XXYLT1: variants seen among roughly 807,000 people sequenced by gnomAD.
XXYLT1 encodes UDP-xylose:alpha-xyloside alpha-1,3-xylosyltransferase.
In XXYLT1, 20 loss-of-function variants were observed where a neutral mutation model predicts 28.9. The ratio of observed to expected loss-of-function variants is 0.69; its 90% CI spans 0.49 to 1.00. XXYLT1 has a LOEUF of 1.00. XXYLT1 is among the 50% of genes least tolerant of loss of function. The pLI is 0.00. For synonymous variants in XXYLT1, 257 were observed against 253.8 expected, an observed-to-expected ratio of 1.01 and a Z score of -0.12; for missense variants, 542 against 560.1, an observed-to-expected ratio of 0.97 and a Z score of 0.33.
chr3:195,090,593 A>G (rs1387018566), intron 3 of XXYLT1, among the ~76,000 whole-genome samples: 1 of 150,948 alleles, frequency 6.6e-6, no homozygotes, highest in Non-Finnish European at 1.5e-5. Flanking sequence ...CAAAATTGAC[A>G]CCCTAACATC....
At chr3:195,225,787 C>T (rs933044060) in intron 2 of XXYLT1, among the ~76,000 whole-genome samples, 52 of 152,228 alleles carry the variant, frequency 3.4e-4, no homozygotes, top group African/African-American at 1.2e-3. Context: ...ATGCTGTTCT[C>T]ATGCTAGTGA....
chr3:195,160,041 C>A lies in XXYLT1; in HGVS notation c.653-3460G>T, dbSNP rs180964224. Among the ~76,000 whole-genome samples, 785 of 152,040 alleles carry A rather than the reference C, an allele frequency of 5.2e-3. 4 individuals are homozygous for A. The highest frequency in any genetic ancestry group is 0.017 in the African/African-American group (715 of 41,460). On this transcript the variant is annotated intron_variant, in intron 2 of 3. Coordinates refer to ENST00000310380, the MANE Select transcript of XXYLT1 (RefSeq NM_152531.5). Reference sequence around the variant, plus strand: ...CATCTGACCATGGGTGGAATTACAACCCAGAGTGAGTAATTAATGATACCC... The same window carrying A: ...CATCTGACCATGGGTGGAATTACAAACCAGAGTGAGTAATTAATGATACCC...
At chr3:195,125,596 T>TG (rs1332654662) in intron 3 of XXYLT1, among the ~76,000 whole-genome samples, 3 of 152,136 alleles carry the variant, frequency 2.0e-5, no homozygotes, top group East Asian at 1.9e-4. Context: ...ACTCTTTCGG[T>TG]GGGGGGTCAT....
At chr3:195,166,876 A>C (rs1413304752) in intron 2 of XXYLT1, among the ~76,000 whole-genome samples, 1 of 152,106 alleles carries the variant, frequency 6.6e-6, no homozygotes, top group Non-Finnish European at 1.5e-5. Context: ...ATAGGGTTTC[A>C]CCATGTTGGC....
intron 1 of XXYLT1, among the ~76,000 whole-genome samples, chr3:195,233,988 G>T (rs939720930): frequency 6.6e-6 from 1 of 151,584 alleles, no homozygotes; most frequent in Non-Finnish European, 1.5e-5. Flanking sequence ...GCGATCTCGG[G>T]TCACTGCAAG....
chr3:195,242,114 A>G (rs1374633175), intron 1 of XXYLT1, among the ~76,000 whole-genome samples: 1 of 152,164 alleles, frequency 6.6e-6, no homozygotes, highest in Non-Finnish European at 1.5e-5. Context: ...CGAGCAAATA[A>G]AGGGGCAGAG....
intron 1 of XXYLT1, among the ~76,000 whole-genome samples, chr3:195,261,490 G>A (rs149477389): frequency 1.4e-3 from 220 of 152,080 alleles, no homozygotes; most frequent in African/African-American, 5.1e-3. Context: ...AAAGGGGAGG[G>A]GAGGGGAACA....
chr3:195,107,557 AGGGGGAG>A (rs1418277218), intron 3 of XXYLT1, among the ~76,000 whole-genome samples: 2 of 4,410 alleles, frequency 4.5e-4, no homozygotes, highest in African/African-American at 1.7e-3. Flanking sequence ...GAGGGGGAAG[AGGGGGAG>A]AGGAGGAGGG....
chr3:195,269,463 G>C (rs1454307229), intron 1 of XXYLT1, among the ~76,000 whole-genome samples: 2 of 152,180 alleles, frequency 1.3e-5, no homozygotes, highest in Non-Finnish European at 2.9e-5. Flanking sequence ...CATGTATAAG[G>C]CCCACTCCCT....
intron 1 of XXYLT1, among the ~76,000 whole-genome samples, chr3:195,245,264 G>A (rs540768626): frequency 2.6e-4 from 39 of 147,174 alleles, no homozygotes; most frequent in African/African-American, 8.8e-4. Context: ...GGGTTCAAGC[G>A]ATTCTCCTGC....
chr3:195,175,319 C>G (rs1486482033), intron 2 of XXYLT1, among the ~76,000 whole-genome samples: 2 of 152,242 alleles, frequency 1.3e-5, no homozygotes, highest in African/African-American at 4.8e-5. Context: ...GGCTGAGCAC[C>G]AGCCCGGCGG....
chr3:195,123,834 C>A (rs111577186), intron 3 of XXYLT1, among the ~76,000 whole-genome samples: 1 of 152,198 alleles, frequency 6.6e-6, no homozygotes, highest in Non-Finnish European at 1.5e-5. Flanking sequence ...TTCTGTCCCC[C>A]GCCCAGGACA....
intron 3 of XXYLT1, chr3:195,095,291 C>G (rs1397537566): frequency 6.5e-6 from 1 of 153,780 alleles, no homozygotes; most frequent in African/African-American, 2.4e-5. Flanking sequence ...CCAGTCTTCT[C>G]CCTGTGGCGG....
At chr3:195,111,508 A>C (rs753989315) in intron 3 of XXYLT1, among the ~76,000 whole-genome samples, 59 of 152,104 alleles carry the variant, frequency 3.9e-4, no homozygotes, top group Non-Finnish European at 6.6e-4. Flanking sequence ...GCCTGTGTGT[A>C]TCTCTCTGGC....
At position 195,173,944 on chromosome 3, in the gene XXYLT1, G is replaced by C. The variant is rs146302066; in HGVS notation, c.653-17363C>G. The stretch of plus-strand genomic sequence containing the variant: ...TCAGTAGGCACTGGTGAGAACAGCC[G>C]CTGGCTCCCTCGGGTTGCAGGAGCA... On this transcript the variant is annotated intron_variant, in intron 2 of 3. Transcript: ENST00000310380. This position sits in a 1 kb window ranked among gnomAD's most constrained non-coding sequence, Gnocchi z 4.3. Among the ~76,000 whole-genome samples the C allele has an allele frequency of 1.2e-4, 18 of 152,220 alleles. No individual in the cohort carries two copies. Among genetic ancestry groups the C allele is most frequent in the African/African-American group, 4.1e-4 (17 of 41,456 alleles).
At chr3:195,218,879 G>A (rs1266747513) in intron 2 of XXYLT1, among the ~76,000 whole-genome samples, 5 of 151,996 alleles carry the variant, frequency 3.3e-5, no homozygotes, top group Admixed American at 2.6e-4. Flanking sequence ...TGTTTATTGC[G>A]GCATTATTCA....
intron 1 of XXYLT1, among the ~76,000 whole-genome samples, chr3:195,269,134 G>T: frequency 6.6e-6 from 1 of 152,242 alleles, no homozygotes; most frequent in Admixed American, 6.5e-5. Flanking sequence ...GGGACAAGGG[G>T]ACAGAGATCC....
At chr3:195,120,911 T>G (rs547587901) in intron 3 of XXYLT1, among the ~76,000 whole-genome samples, 1 of 152,252 alleles carries the variant, frequency 6.6e-6, no homozygotes, top group South Asian at 2.1e-4. Flanking sequence ...TAGGGCTTAC[T>G]CCCCCAAACC....
rs561830129 is a variant in XXYLT1 at position 195,218,572 on chromosome 3, C to G, written c.652+8137G>C. On this transcript the variant is annotated intron_variant, in intron 2 of 3. Transcript: ENST00000310380. ...AAAAAACACATGAAAAAATGCTCAT[C>G]ATCACTGGCCATCAGAGAAATGCAA... is the stretch of plus-strand genomic sequence containing the variant. 6.6e-3 allele frequency among the ~76,000 whole-genome samples: 1,003 copies of G among 152,078 alleles called. 1 individual carries two copies. Among genetic ancestry groups the G allele is most frequent in the Non-Finnish European group, 0.01 (705 of 67,946 alleles).
Sources: gnomAD v4.1 joint callset for allele counts (sites outside exome capture counted in the v4.1 genomes callset) on GRCh38, gnomAD v4.1.1 for gene constraint, Gnocchi (gnomAD v3.1) non-coding constraint, MANE v1.5 for transcripts, NCBI Gene and HGNC (gene_info 2026-07-23, HGNC 2026-07-21) for gene names.